The following KIT variants were observed in gnomAD, a reference collection of about 807,000 sequenced individuals.
KIT encodes the protein mast/stem cell growth factor receptor Kit.
Under a neutral mutation model 105.7 loss-of-function variants are expected in KIT, and 16 were observed. That is an observed-to-expected ratio of 0.15 (90% CI 0.10 to 0.23). The LOEUF is 0.23. Ranked by LOEUF, KIT falls within the 10% of genes least tolerant of loss-of-function variation. The pLI is 1.00. For missense variants in KIT, 858 were observed against 1,213.8 expected, an observed-to-expected ratio of 0.71 and a Z score of 4.36; for synonymous variants, 438 against 441.1, an observed-to-expected ratio of 0.99 and a Z score of 0.09.
rs551357526 is a variant in KIT, at chr4:54,712,511, T to G, written c.1231+2972T>G. On this transcript the variant is annotated intron_variant, in intron 7 of 20. Coordinates refer to ENST00000288135, the MANE Select transcript of KIT (RefSeq NM_000222.3). ...TGTTTAAATGTGTCTCTTTTCTTCT[T>G]TTTTCATGCTTCCATTTGCCAGTGT... Among the ~76,000 whole-genome samples, 3 of 152,294 alleles carry G rather than the reference T, an allele frequency of 2.0e-5. No individual in the cohort carries two copies. The East Asian group carries it at 5.8e-4, about 29-fold the overall frequency.
At chr4:54,695,890 G>A in intron 2 of KIT, 109 bp downstream of exon 2, 4 of 1,299,010 alleles carry the variant, frequency 3.1e-6, no homozygotes, top group Non-Finnish European at 4.4e-6. Flanking sequence ...TTTCTGGCTG[G>A]GTCTAGAAGG....
intron 15 of KIT, 69 bp downstream of exon 15, chr4:54,731,488 A>C (rs865909828): frequency 9.6e-7 from 1 of 1,038,786 alleles, no homozygotes; most frequent in Non-Finnish European, 1.5e-6. Context: ...CTAATGTGGA[A>C]TATAACATCA....
chr4:54,737,251 G>C lies in KIT; in HGVS notation c.2773G>C (p.Glu925Gln), dbSNP rs1722972689. ...ATTCAAGCAAATTGTTCAGCTAATT[G>C]AGAAGCAGATTTCAGAGAGCACCAA... is the stretch of plus-strand genomic sequence containing the variant. ...PTFKQIVQLIEKQISESTNHI... is the reference protein window; with the variant it reads ...PTFKQIVQLIQKQISESTNHI... The change falls in exon 20 of 21, where the codon GAG (glutamate) becomes CAG (glutamine). Residue 925 changes from glutamate (E) to glutamine (Q), a missense_variant. By Grantham distance (29) the Glu-to-Gln change is conservative. Coordinates refer to ENST00000288135, the MANE Select transcript of KIT (RefSeq NM_000222.3). 3 of 1,613,486 alleles carry C rather than the reference G, an allele frequency of 1.9e-6. No individual in the cohort carries two copies. Among genetic ancestry groups the C allele is most frequent in the Non-Finnish European group, 2.5e-6 (3 of 1,179,420 alleles).
chr4:54,683,480 G>T (rs1719092676), intron 1 of KIT, among the ~76,000 whole-genome samples: 1 of 152,180 alleles, frequency 6.6e-6, no homozygotes, highest in South Asian at 2.1e-4. Flanking sequence ...TCCACCAAAA[G>T]GTGGGGGGGT....
At chr4:54,675,499 C>T (rs932259483) in intron 1 of KIT, among the ~76,000 whole-genome samples, 9 of 152,178 alleles carry the variant, frequency 5.9e-5, no homozygotes, top group South Asian at 2.1e-4. Context: ...GACCAGCAAG[C>T]GTTCTGATGA....
intron 15 of KIT, 101 bp from the exon 16 acceptor site, chr4:54,731,770 A>C (rs1722609681): frequency 8.3e-7 from 1 of 1,207,318 alleles, no homozygotes; most frequent in African/African-American, 1.5e-5. Context: ...AGTTCACATT[A>C]GTTCATTCAT....
intron 1 of KIT, among the ~76,000 whole-genome samples, chr4:54,683,481 G>T (rs1483333981): frequency 3.3e-5 from 5 of 152,168 alleles, no homozygotes. Flanking sequence ...CCACCAAAAG[G>T]TGGGGGGGTG....
At chr4:54,703,634 T>A (rs1046212028) in intron 4 of KIT, 90 bp from the exon 5 acceptor site, 6 of 1,049,866 alleles carry the variant, frequency 5.7e-6, no homozygotes, top group African/African-American at 3.2e-5. Flanking sequence ...AGAAGTTAAT[T>A]GCTGCTATTT....
chr4:54,692,940 T>G (rs1336512233), intron 1 of KIT, among the ~76,000 whole-genome samples: 2 of 152,228 alleles, frequency 1.3e-5, no homozygotes, highest in African/African-American at 4.8e-5. Flanking sequence ...GAATTGAGAC[T>G]GGTCATCTAT....
At chr4:54,695,275 A>G (rs1229623969) in intron 1 of KIT, among the ~76,000 whole-genome samples, 1 of 152,212 alleles carries the variant, frequency 6.6e-6, no homozygotes, top group Non-Finnish European at 1.5e-5. Flanking sequence ...CATTCAGCAC[A>G]TCCTGGCTTG....
chr4:54,658,867 T>C (rs1354024089), intron 1 of KIT, among the ~76,000 whole-genome samples: 1 of 152,114 alleles, frequency 6.6e-6, no homozygotes, highest in African/African-American at 2.4e-5. Flanking sequence ...TGCTCGCCCC[T>C]TTCTGCCGCG....
intron 1 of KIT, among the ~76,000 whole-genome samples, chr4:54,681,583 G>A (rs1364617074): frequency 6.6e-6 from 1 of 152,302 alleles, no homozygotes; most frequent in South Asian, 2.1e-4. Context: ...CTGGTAAGGT[G>A]TGTGTATCTA....
intron 4 of KIT, among the ~76,000 whole-genome samples, chr4:54,702,513 C>A (rs1378891785): frequency 6.6e-6 from 1 of 152,020 alleles, no homozygotes; most frequent in Non-Finnish European, 1.5e-5. Context: ...ATATAGTCTG[C>A]ATTTTTTCAT....
intron 1 of KIT, among the ~76,000 whole-genome samples, chr4:54,671,251 C>T (rs1718090072): frequency 6.6e-6 from 1 of 152,166 alleles, no homozygotes; most frequent in Non-Finnish European, 1.5e-5. Flanking sequence ...GGGAAAGTTC[C>T]TTCTCCATCA....
At chr4:54,683,159 CTAAGCATT>C (rs1719068559) in intron 1 of KIT, among the ~76,000 whole-genome samples, 1 of 152,210 alleles carries the variant, frequency 6.6e-6, no homozygotes, top group Non-Finnish European at 1.5e-5. Context: ...TTTATTTCTT[CTAAGCATT>C]TAATTACAGA....
At chr4:54,698,194 A>G in intron 2 of KIT, 90 bp from the exon 3 acceptor site, 1 of 1,367,412 alleles carries the variant, frequency 7.3e-7, no homozygotes, top group East Asian at 2.4e-5. Context: ...GCCACTAGTC[A>G]TGAAAGGCAA....
At chr4:54,707,407 G>C (rs1720861502) in intron 6 of KIT, 120 bp downstream of exon 6, 5 of 757,158 alleles carry the variant, frequency 6.6e-6, no homozygotes, top group Non-Finnish European at 9.1e-6. Context: ...AAGAAAGTCT[G>C]GGGCTGCCTC....
chr4:54,699,596 A>G (rs776894628), intron 3 of KIT, 34 bp from the exon 4 acceptor site: 2 of 1,613,006 alleles, frequency 1.2e-6, no homozygotes, highest in Non-Finnish European at 1.7e-6. Flanking sequence ...TATAATACAA[A>G]TTATTTGAGG....
At chr4:54,684,326 C>G (rs1229498813) in intron 1 of KIT, among the ~76,000 whole-genome samples, 1 of 152,130 alleles carries the variant, frequency 6.6e-6, no homozygotes, top group Non-Finnish European at 1.5e-5. Flanking sequence ...CCACATGTAC[C>G]ATGGGCTCCT....
Sources: gnomAD v4.1 joint callset for allele counts (sites outside exome capture counted in the v4.1 genomes callset) on GRCh38, gnomAD v4.1.1 for gene constraint, MANE v1.5 for transcripts, NCBI Gene and HGNC (gene_info 2026-07-23, HGNC 2026-07-21) for gene names.